LRRTM4: variants seen among roughly 807,000 people sequenced by gnomAD.
The protein encoded by LRRTM4 is leucine rich repeat transmembrane neuronal 4.
Under a neutral mutation model 47.6 loss-of-function variants are expected in LRRTM4, and 25 were observed. The ratio of observed to expected loss-of-function variants is 0.53; its 90% CI spans 0.38 to 0.73. The LOEUF is 0.73. Among genes scored for constraint, LRRTM4 ranks in the 30% least tolerant of loss-of-function variants. The probability of loss-of-function intolerance (pLI) is 0.00; values close to 1 mark genes in which losing one functional copy is unlikely to be tolerated. For missense variants in LRRTM4, 638 were observed against 713.4 expected, an observed-to-expected ratio of 0.89 and a Z score of 1.20; for synonymous variants, 311 against 269.5, an observed-to-expected ratio of 1.15 and a Z score of -1.51.
At chr2:76,957,815 G>A (rs780580257) in intron 3 of LRRTM4, among the ~76,000 whole-genome samples, 5 of 151,514 alleles carry the variant, frequency 3.3e-5, no homozygotes, top group South Asian at 2.1e-4. Flanking sequence ...GTTTTGACAC[G>A]CTCACTTCTC....
chr2:77,278,669 A>G (rs1676430776), intron 3 of LRRTM4, among the ~76,000 whole-genome samples: 2 of 152,038 alleles, frequency 1.3e-5, no homozygotes. Flanking sequence ...ATCCCCATAT[A>G]GCTGAAGAGG....
chr2:77,178,035 C>T (rs1380697125), intron 3 of LRRTM4, among the ~76,000 whole-genome samples: 7 of 152,318 alleles, frequency 4.6e-5, no homozygotes, highest in African/African-American at 1.7e-4. Flanking sequence ...CTCCTTCATA[C>T]TCTTCTTCAT....
chr2:76,992,138 A>C (rs1239574673), intron 3 of LRRTM4, among the ~76,000 whole-genome samples: 2 of 151,804 alleles, frequency 1.3e-5, no homozygotes, highest in African/African-American at 2.4e-5. Context: ...ACATGACTCA[A>C]AATAATAAGA....
chr2:76,889,278 T>C (rs920894860), intron 3 of LRRTM4, among the ~76,000 whole-genome samples: 25 of 151,910 alleles, frequency 1.6e-4, no homozygotes, highest in African/African-American at 6.0e-4. Context: ...TTACCACAAA[T>C]CTCTAAACTA....
intron 3 of LRRTM4, among the ~76,000 whole-genome samples, chr2:76,984,425 G>C (rs1366878145): frequency 6.6e-6 from 1 of 151,960 alleles, no homozygotes; most frequent in Non-Finnish European, 1.5e-5. Context: ...AGATACTGTT[G>C]CATGTTTTAG....
chr2:77,272,413 G>A (rs1253137968), intron 3 of LRRTM4, among the ~76,000 whole-genome samples: 1 of 152,086 alleles, frequency 6.6e-6, no homozygotes, highest in African/African-American at 2.4e-5. Context: ...AAGGAAGAAG[G>A]GAGAAGGGAA....
At chr2:77,040,682 G>A (rs1301098079) in intron 3 of LRRTM4, among the ~76,000 whole-genome samples, 4 of 151,428 alleles carry the variant, frequency 2.6e-5, no homozygotes, top group Non-Finnish European at 4.4e-5. Context: ...GGCTGATAAT[G>A]GGTTTAGGGG....
At chr2:77,392,392 A>G (rs971182290) in intron 3 of LRRTM4, among the ~76,000 whole-genome samples, 1 of 151,964 alleles carries the variant, frequency 6.6e-6, no homozygotes, top group Non-Finnish European at 1.5e-5. Flanking sequence ...CCTTGTCATG[A>G]GCTATGACCC....
intron 3 of LRRTM4, among the ~76,000 whole-genome samples, chr2:77,327,995 G>A (rs1478352349): frequency 6.6e-6 from 1 of 151,978 alleles, no homozygotes; most frequent in African/African-American, 2.4e-5. Flanking sequence ...GAAAGAAAGG[G>A]TCCTTCGTGG....
chr2:77,255,494 T>A (rs1047235210), intron 3 of LRRTM4, among the ~76,000 whole-genome samples: 1 of 152,042 alleles, frequency 6.6e-6, no homozygotes, highest in African/African-American at 2.4e-5. Context: ...TGACAGAACA[T>A]GTATCAAATA....
intron 3 of LRRTM4, among the ~76,000 whole-genome samples, chr2:77,453,018 T>C (rs1021587206): frequency 3.9e-5 from 6 of 151,912 alleles, no homozygotes; most frequent in African/African-American, 1.5e-4. Context: ...AAATTAATTT[T>C]TTGATAAAGG....
chr2:76,974,852 T>C (rs984297660), intron 3 of LRRTM4, among the ~76,000 whole-genome samples: 4 of 151,796 alleles, frequency 2.6e-5, no homozygotes, highest in African/African-American at 9.7e-5. Flanking sequence ...TTTTTTTAAT[T>C]GGAGGAAATC....
At chr2:77,174,794 C>G (rs186361171) in intron 3 of LRRTM4, among the ~76,000 whole-genome samples, 74 of 152,118 alleles carry the variant, frequency 4.9e-4, no homozygotes, top group African/African-American at 1.6e-3. Context: ...TATCCCTCCC[C>G]CCTCGCCCCA....
rs547213351 is a variant in LRRTM4, at chr2:77,173,634, T to C, written c.1551+344684A>G. On this transcript the variant is annotated intron_variant, in intron 3 of 3. Coordinates refer to ENST00000409884, the MANE Select transcript of LRRTM4 (RefSeq NM_001134745.3). ...GACATATTGCCACCTTCTTCTGTGA[T>C]ATAAAACTTTCTCAGATGTTTAAAG... 1.1e-3 allele frequency among the ~76,000 whole-genome samples: 163 copies of C among 152,268 alleles called. 1 individual carries two copies. The highest frequency in any genetic ancestry group is 3.7e-3 in the African/African-American group (155 of 41,574).
At chr2:77,066,656 AG>A in intron 3 of LRRTM4, among the ~76,000 whole-genome samples, 1 of 152,368 alleles carries the variant, frequency 6.6e-6, no homozygotes, top group African/African-American at 2.4e-5. Context: ...TACTATGTAG[AG>A]AGAGGTATAC....
chr2:76,907,392 A>G (rs1248606848), intron 3 of LRRTM4, among the ~76,000 whole-genome samples: 1 of 151,202 alleles, frequency 6.6e-6, no homozygotes, highest in Non-Finnish European at 1.5e-5. Flanking sequence ...AAAAAGCAGG[A>G]AAGATCCAAA....
At chr2:76,898,875 T>A (rs1162493654) in intron 3 of LRRTM4, among the ~76,000 whole-genome samples, 1 of 151,774 alleles carries the variant, frequency 6.6e-6, no homozygotes, top group Non-Finnish European at 1.5e-5. Flanking sequence ...AATTTTTACA[T>A]ACGTTGTAGA....
chr2:77,134,803 A>G (rs1371434852), intron 3 of LRRTM4, among the ~76,000 whole-genome samples: 1 of 152,152 alleles, frequency 6.6e-6, no homozygotes, highest in Non-Finnish European at 1.5e-5. Flanking sequence ...ATCTTTTTTC[A>G]TCATTTAAGT....
chr2:77,195,204 G>T (rs1268035168), intron 3 of LRRTM4, among the ~76,000 whole-genome samples: 1 of 151,600 alleles, frequency 6.6e-6, no homozygotes, highest in Non-Finnish European at 1.5e-5. Flanking sequence ...TTGGTGAGGG[G>T]AATTAAAATT....
Sources: gnomAD v4.1 joint callset for allele counts (sites outside exome capture counted in the v4.1 genomes callset) on GRCh38, gnomAD v4.1.1 for gene constraint, MANE v1.5 for transcripts, NCBI Gene and HGNC (gene_info 2026-07-23, HGNC 2026-07-21) for gene names.